The following ETV6 variants were observed in gnomAD, a reference collection of about 807,000 sequenced individuals.
ETV6 encodes ETS variant transcription factor 6, also known as transcription factor ETV6.
A neutral mutation model predicts 51.1 loss-of-function variants in ETV6; 16 were observed. The ratio of observed to expected loss-of-function variants is 0.31; its 90% confidence interval spans 0.21 to 0.48. ETV6 has a LOEUF of 0.48. Among genes scored for constraint, ETV6 ranks in the 20% least tolerant of loss-of-function variants. ETV6 has a pLI of 0.99. For synonymous variants in ETV6, 240 were observed against 224.1 expected, an observed-to-expected ratio of 1.07 and a Z score of -0.64; for missense variants, 458 against 594.8, an observed-to-expected ratio of 0.77 and a Z score of 2.39.
At chr12:11,697,178 G>A (rs1296500693) in intron 1 of ETV6, among the ~76,000 whole-genome samples, 1 of 152,154 alleles carries the variant, frequency 6.6e-6, no homozygotes, top group African/African-American at 2.4e-5. Flanking sequence ...TTGTTGCCAT[G>A]ACTTGGCTGA....
At chr12:11,753,928 T>C (rs576130571) in intron 2 of ETV6, among the ~76,000 whole-genome samples, 18 of 152,328 alleles carry the variant, frequency 1.2e-4, no homozygotes, top group African/African-American at 4.3e-4. Flanking sequence ...CTACCATCTT[T>C]TCCTCTACTT....
At chr12:11,650,523 C>G (rs987751783) in intron 1 of ETV6, among the ~76,000 whole-genome samples, 1 of 139,024 alleles carries the variant, frequency 7.2e-6, no homozygotes, top group Non-Finnish European at 1.6e-5. Flanking sequence ...AAACCTGCTC[C>G]CTATTCCTAC....
intron 1 of ETV6, among the ~76,000 whole-genome samples, chr12:11,682,376 T>C (rs1055039179): frequency 2.8e-4 from 42 of 152,230 alleles, no homozygotes; most frequent in African/African-American, 8.4e-4. Context: ...TTTTGAGAAG[T>C]GTCTGTTCAT....
intron 2 of ETV6, among the ~76,000 whole-genome samples, chr12:11,787,613 T>G (rs59670641): frequency 0.036 from 5,520 of 152,076 alleles, 328 homozygotes; most frequent in African/African-American, 0.12. Flanking sequence ...GTTTTGCAGG[T>G]GAGTAAGGTG....
At chr12:11,810,229 G>A (rs1945893689) in intron 2 of ETV6, among the ~76,000 whole-genome samples, 1 of 152,202 alleles carries the variant, frequency 6.6e-6, no homozygotes, top group Non-Finnish European at 1.5e-5. Flanking sequence ...AGAATATACA[G>A]AGGGGTTGGA....
At chr12:11,680,947 G>A (rs1471451925) in intron 1 of ETV6, among the ~76,000 whole-genome samples, 1 of 152,158 alleles carries the variant, frequency 6.6e-6, no homozygotes, top group African/African-American at 2.4e-5. Flanking sequence ...GGATCCCAGG[G>A]TAGACAAGGA....
intron 1 of ETV6, among the ~76,000 whole-genome samples, chr12:11,726,352 T>C (rs1865488342): frequency 6.6e-6 from 1 of 152,218 alleles, no homozygotes; most frequent in Non-Finnish European, 1.5e-5. Flanking sequence ...TGATCCACTC[T>C]TGCAGTAGCC....
rs12296298 is a variant in ETV6, at chr12:11,785,165, T to C, written c.163+32586T>C. ...GAAGTGTGAAAGTAGAGAGGCCTGT[T>C]AGGGATCTCTTAATAAGTCTGGCAA... On this transcript the variant is annotated intron_variant, in intron 2 of 7. Transcript: ENST00000396373. Among the ~76,000 whole-genome samples, 642 of 152,166 alleles carry C rather than the reference T, an allele frequency of 4.2e-3. 4 individuals are homozygous for C. Among genetic ancestry groups the C allele is most frequent in the African/African-American group, 0.015 (620 of 41,520 alleles).
At chr12:11,750,123 A>G (rs1225291013) in intron 1 of ETV6, among the ~76,000 whole-genome samples, 1 of 152,234 alleles carries the variant, frequency 6.6e-6, no homozygotes, top group Admixed American at 6.5e-5. Context: ...GGATGGCGTC[A>G]GATCCCAGAG....
At chr12:11,749,956 G>A (rs1161739042) in intron 1 of ETV6, among the ~76,000 whole-genome samples, 5 of 152,196 alleles carry the variant, frequency 3.3e-5, no homozygotes, top group Non-Finnish European at 7.3e-5. Context: ...AGAGCTTATG[G>A]TGTGGAAAAC....
At chr12:11,679,702 AAG>A (rs1185199374) in intron 1 of ETV6, among the ~76,000 whole-genome samples, 1 of 152,206 alleles carries the variant, frequency 6.6e-6, no homozygotes, top group Non-Finnish European at 1.5e-5. Context: ...CACATTTAGG[AAG>A]AGTTTCCATT....
At chr12:11,737,387 AAG>A (rs1865724619) in intron 1 of ETV6, among the ~76,000 whole-genome samples, 1 of 152,216 alleles carries the variant, frequency 6.6e-6, no homozygotes, top group Non-Finnish European at 1.5e-5. Flanking sequence ...TGCAACTAAA[AAG>A]TGTTTATTAA....
intron 2 of ETV6, among the ~76,000 whole-genome samples, chr12:11,784,909 G>A (rs1352186539): frequency 2.7e-5 from 3 of 111,666 alleles, no homozygotes; most frequent in African/African-American, 3.5e-5. Context: ...GTCTCACTAT[G>A]TTACCCAGGC....
intron 5 of ETV6, among the ~76,000 whole-genome samples, chr12:11,876,470 C>T (rs532673501): frequency 3.3e-5 from 5 of 152,324 alleles, no homozygotes; most frequent in African/African-American, 1.2e-4. Flanking sequence ...TAAACGAACA[C>T]TTTTCAGTCA....
At chr12:11,698,890 CTATT>C (rs1864926856) in intron 1 of ETV6, among the ~76,000 whole-genome samples, 1 of 152,172 alleles carries the variant, frequency 6.6e-6, no homozygotes, top group Admixed American at 6.5e-5. Context: ...TACTACTAAA[CTATT>C]TAACAGGTAG....
At chr12:11,770,974 G>T (rs1406891877) in intron 2 of ETV6, among the ~76,000 whole-genome samples, 2 of 152,136 alleles carry the variant, frequency 1.3e-5, no homozygotes, top group African/African-American at 4.8e-5. Flanking sequence ...GCCTTGCCTA[G>T]TGATTTTGAC....
rs2121068121 is a variant in ETV6, at chr12:11,752,552, G to A, written c.136G>A (p.Asp46Asn). The A allele has an allele frequency of 6.2e-7, 1 of 1,613,460 alleles. No homozygotes were observed. Among genetic ancestry groups the A allele is most frequent in the Middle Eastern group, 1.7e-4 (1 of 5,998 alleles). Residue 46 changes from aspartate (D) to asparagine (N), a missense_variant, in exon 2 of 8, where the codon GAC (aspartate) becomes AAC (asparagine). Asp to Asn is a conservative substitution (Grantham distance 23). This residue lies in a region of ETV6 where 84 missense variants were observed against 75.9 expected (regional missense o/e 1.11). Coordinates refer to ENST00000396373, the MANE Select transcript of ETV6 (RefSeq NM_001987.5). ...PVPRALRMEE[D>N]SIRLPAHLRL... ...GCCTCGAGCGCTCAGGATGGAGGAA[G>A]ACTCGATCCGCCTGCCTGCGCACCT...
intron 1 of ETV6, among the ~76,000 whole-genome samples, chr12:11,694,201 G>A (rs1199091837): frequency 6.6e-6 from 1 of 152,156 alleles, no homozygotes; most frequent in Admixed American, 6.5e-5. Flanking sequence ...TAAGAACACA[G>A]ACCAACATTT....
chr12:11,859,343 G>A (rs1490294037), intron 4 of ETV6, among the ~76,000 whole-genome samples: 8 of 151,410 alleles, frequency 5.3e-5, no homozygotes, highest in African/African-American at 1.7e-4. Context: ...GGGTTTCGCC[G>A]TGTTAGCCAG....
Sources: gnomAD v4.1 joint callset for allele counts (sites outside exome capture counted in the v4.1 genomes callset) on GRCh38, gnomAD v4.1.1 for gene constraint, gnomAD v4.1.1 regional missense constraint, MANE v1.5 for transcripts, NCBI Gene and HGNC (gene_info 2026-07-23, HGNC 2026-07-21) for gene names.